The following ERBB4 variants were observed in gnomAD, a reference collection of about 807,000 sequenced individuals.
The protein encoded by ERBB4 is receptor tyrosine-protein kinase erbB-4.
ERBB4 carries 42 observed loss-of-function variants against 158.0 expected under a neutral mutation model. The ratio of observed to expected loss-of-function variants is 0.27; its 90% confidence interval spans 0.21 to 0.34. ERBB4 has a LOEUF of 0.34. Ranked by LOEUF, ERBB4 falls within the 10% of genes least tolerant of loss-of-function variation. The probability of loss-of-function intolerance (pLI) is 1.00; values close to 1 mark genes in which losing one functional copy is unlikely to be tolerated. For synonymous variants in ERBB4, 583 were observed against 558.7 expected (o/e 1.04, Z -0.61); for missense variants, 1,333 against 1,624.1 (o/e 0.82, Z 3.08).
chr2:212,079,387 T>C (rs1024619500), intron 2 of ERBB4, among the ~76,000 whole-genome samples: 5 of 151,946 alleles, frequency 3.3e-5, no homozygotes, highest in African/African-American at 9.7e-5. Context: ...AAAGAACAAA[T>C]ATATATCCTA....
chr2:212,453,613 T>C (rs928736944), intron 1 of ERBB4, among the ~76,000 whole-genome samples: 3 of 152,208 alleles, frequency 2.0e-5, no homozygotes, highest in Non-Finnish European at 4.4e-5. Context: ...GTCACCTCTT[T>C]GTATAGCAAA....
chr2:211,686,473 T>C (rs2072568132), intron 12 of ERBB4, among the ~76,000 whole-genome samples: 1 of 152,216 alleles, frequency 6.6e-6, no homozygotes, highest in Non-Finnish European at 1.5e-5. Flanking sequence ...TATAATTCTT[T>C]GTATATATTG....
intron 2 of ERBB4, among the ~76,000 whole-genome samples, chr2:211,957,522 C>T (rs1285584486): frequency 6.6e-6 from 1 of 152,106 alleles, no homozygotes; most frequent in African/African-American, 2.4e-5. Context: ...CACATCCTAG[C>T]TTTTAGCAGT....
chr2:211,850,383 T>A (rs558953370), intron 3 of ERBB4, among the ~76,000 whole-genome samples: 1 of 151,970 alleles, frequency 6.6e-6, no homozygotes, highest in South Asian at 2.1e-4. Context: ...TATATATATG[T>A]TGAATAATTT....
Position 211,378,185 on chromosome 2 carries a change from TTTTC to T in ERBB4, c.*5426_*5429del, listed in dbSNP as rs2062512427. On this transcript the variant is annotated 3_prime_UTR_variant, in exon 28 of 28. Transcript: ENST00000342788. The stretch of plus-strand genomic sequence containing the variant: ...CTCTAAAGGTCAGAGAGAAATACAT[TTTTC>T]TTTGATTCCTAACAAGGTAATCACT... 9 of 233,062 alleles carry T rather than the reference TTTTC, an allele frequency of 3.9e-5. No homozygotes were observed. The South Asian group carries it at 1.3e-3, about 33-fold the overall frequency. The allele number at this position is 233,062 out of a possible 1,614,324, so 14.4% of individuals were successfully genotyped here.
At chr2:212,137,158 T>C (rs1052329870) in intron 1 of ERBB4, among the ~76,000 whole-genome samples, 1 of 152,182 alleles carries the variant, frequency 6.6e-6, no homozygotes, top group African/African-American at 2.4e-5. Flanking sequence ...ACAAGTACAG[T>C]CACAATCAAC....
chr2:212,373,543 G>A (rs530438792), intron 1 of ERBB4, among the ~76,000 whole-genome samples: 3 of 151,616 alleles, frequency 2.0e-5, no homozygotes, highest in South Asian at 4.2e-4. Flanking sequence ...GTTAAGCAAA[G>A]TAATTAATAA....
At chr2:211,666,300 G>C (rs2071626309) in intron 14 of ERBB4, among the ~76,000 whole-genome samples, 1 of 151,850 alleles carries the variant, frequency 6.6e-6, no homozygotes, top group Admixed American at 6.6e-5. Flanking sequence ...ACAAACAAAG[G>C]CTTCATGAAG....
At chr2:212,229,682 G>C (rs1200766985) in intron 1 of ERBB4, among the ~76,000 whole-genome samples, 1 of 152,114 alleles carries the variant, frequency 6.6e-6, no homozygotes, top group African/African-American at 2.4e-5. Context: ...GGCTGTTACA[G>C]CTTATCCAGG....
At chr2:211,447,241 T>TC (rs1454263968) in intron 20 of ERBB4, among the ~76,000 whole-genome samples, 1 of 142,676 alleles carries the variant, frequency 7.0e-6, no homozygotes, top group Non-Finnish European at 1.6e-5. Flanking sequence ...ATTTAATACT[T>TC]TATCTTTTAT....
rs1010188948 is a variant in ERBB4 at position 211,991,554 on chromosome 2, T to C, written c.235-43938A>G. 2.0e-5 allele frequency among the ~76,000 whole-genome samples: 3 copies of C among 152,162 alleles called. No homozygotes were observed. The East Asian group carries it at 5.8e-4, about 29-fold the overall frequency. On this transcript the variant is annotated intron_variant, in intron 2 of 27. Coordinates refer to ENST00000342788, the MANE Select transcript of ERBB4 (RefSeq NM_005235.3). ...CGTGTTTTTCTGGAATAAAGAGTTT[T>C]ATTGTCCCAGGAAAGGAGATATATA...
At chr2:211,953,867 AT>A (rs1173430644) in intron 2 of ERBB4, among the ~76,000 whole-genome samples, 1 of 121,594 alleles carries the variant, frequency 8.2e-6, no homozygotes, top group East Asian at 2.3e-4. Context: ...AAAAATCATG[AT>A]TTTTTAAAAA....
At chr2:211,595,077 AG>A (rs763418166) in intron 19 of ERBB4, among the ~76,000 whole-genome samples, 2 of 152,242 alleles carry the variant, frequency 1.3e-5, no homozygotes, top group Non-Finnish European at 2.9e-5. Context: ...GAGGAAATTC[AG>A]TTCATAATAA....
chr2:211,860,987 ATAATATAATATATTATATATTTATATATT>A (rs1414491896), intron 3 of ERBB4, among the ~76,000 whole-genome samples: 5 of 84,944 alleles, frequency 5.9e-5, no homozygotes, highest in African/African-American at 2.6e-4. Context: ...AATATATTAT[ATAATATAATATATTATATATTTATATATT>A]TATATATATA....
At chr2:211,402,071 A>G (rs2063055190) in intron 25 of ERBB4, among the ~76,000 whole-genome samples, 1 of 152,008 alleles carries the variant, frequency 6.6e-6, no homozygotes, top group South Asian at 2.1e-4. Context: ...CACAAAGAAG[A>G]GAATGCTTAT....
At chr2:212,120,962 A>G (rs1380777223) in intron 2 of ERBB4, among the ~76,000 whole-genome samples, 1 of 152,208 alleles carries the variant, frequency 6.6e-6, no homozygotes, top group Non-Finnish European at 1.5e-5. Context: ...TTAATACTGG[A>G]CAGATTACAT....
At chr2:212,443,121 CA>C (rs2092286566) in intron 1 of ERBB4, among the ~76,000 whole-genome samples, 1 of 152,234 alleles carries the variant, frequency 6.6e-6, no homozygotes, top group Non-Finnish European at 1.5e-5. Flanking sequence ...TAAGGCCCAC[CA>C]GAAGCAATTT....
chr2:212,487,358 T>C (rs1316911646), intron 1 of ERBB4, among the ~76,000 whole-genome samples: 2 of 152,104 alleles, frequency 1.3e-5, no homozygotes, highest in Non-Finnish European at 2.9e-5. Context: ...TTATGTCTTA[T>C]CTCATGGAAA....
In ERBB4 at chr2:212,538,577, G is replaced by T; in HGVS notation, c.-47C>A. ...GTGCTGACAATTACATGTCCAAATG[G>T]CATATCCCCCTTTCGGGCACGCGGA... On this transcript the variant is annotated 5_prime_UTR_variant, in exon 1 of 28. Coordinates refer to ENST00000342788, the MANE Select transcript of ERBB4 (RefSeq NM_005235.3). 6.4e-7 allele frequency: 1 copy of T among 1,556,958 alleles called. No individual in the cohort carries two copies. The highest frequency in any genetic ancestry group is 8.9e-7 in the Non-Finnish European group (1 of 1,127,848).
Sources: gnomAD v4.1 joint callset for allele counts (sites outside exome capture counted in the v4.1 genomes callset) on GRCh38, gnomAD v4.1.1 for gene constraint, MANE v1.5 for transcripts, NCBI Gene and HGNC (gene_info 2026-07-23, HGNC 2026-07-21) for gene names.